Variants in PDE4D observed in about 807,000 individuals in gnomAD.
The protein encoded by PDE4D is 3',5'-cyclic-AMP phosphodiesterase 4D.
A neutral mutation model predicts 87.4 loss-of-function variants in PDE4D; 24 were observed. That is an observed-to-expected ratio of 0.27 (90% confidence interval 0.20 to 0.39). PDE4D has a LOEUF of 0.39. PDE4D is among the 10% of genes least tolerant of loss of function. PDE4D has a pLI of 1.00. For missense variants in PDE4D, 714 were observed against 1,041.0 expected, an observed-to-expected ratio of 0.69 and a Z score of 4.32; for synonymous variants, 384 against 383.2, an observed-to-expected ratio of 1.00 and a Z score of -0.02.
intron 1 of PDE4D, among the ~76,000 whole-genome samples, chr5:59,381,498 ATAAAG>A (rs72100968): frequency 0.36 from 54,974 of 151,424 alleles, 10,269 homozygotes; most frequent in South Asian, 0.48. Flanking sequence ...CTTTTTTTGA[ATAAAG>A]TAAACATACC....
At chr5:59,582,746 TAGA>T (rs1244819158) in intron 1 of PDE4D, among the ~76,000 whole-genome samples, 1 of 152,150 alleles carries the variant, frequency 6.6e-6, no homozygotes, top group Non-Finnish European at 1.5e-5. Flanking sequence ...TTTAGGGTCC[TAGA>T]AGAAGGAAAA....
At chr5:58,999,294 ATTT>A (rs1313857226) in intron 6 of PDE4D, among the ~76,000 whole-genome samples, 1 of 152,150 alleles carries the variant, frequency 6.6e-6, no homozygotes, top group African/African-American at 2.4e-5. Context: ...TAAAAAAGCT[ATTT>A]TAACACTCAA....
intron 1 of PDE4D, among the ~76,000 whole-genome samples, chr5:59,408,846 C>A (rs935333921): frequency 6.6e-6 from 1 of 152,004 alleles, no homozygotes; most frequent in Non-Finnish European, 1.5e-5. Context: ...TGATTTCTTC[C>A]TTTTAGAATG....
chr5:60,132,719 C>T (rs1779688269), intron 2 of PDE4D, among the ~76,000 whole-genome samples: 1 of 151,984 alleles, frequency 6.6e-6, no homozygotes, highest in African/African-American at 2.4e-5. Flanking sequence ...GGACAGTTCA[C>T]TATGGTTACA....
intron 1 of PDE4D, among the ~76,000 whole-genome samples, chr5:59,630,805 A>G (rs768694704): frequency 6.6e-6 from 1 of 152,160 alleles, no homozygotes; most frequent in Non-Finnish European, 1.5e-5. Flanking sequence ...GGAGGCCTGC[A>G]CGTGTCTGTT....
At chr5:59,697,313 A>G (rs1446577361) in intron 1 of PDE4D, among the ~76,000 whole-genome samples, 1 of 152,218 alleles carries the variant, frequency 6.6e-6, no homozygotes, top group Non-Finnish European at 1.5e-5. Flanking sequence ...TACATAATCA[A>G]TTAATTATAA....
chr5:59,942,762 TA>T (rs1757317756), intron 3 of PDE4D, among the ~76,000 whole-genome samples: 1 of 149,772 alleles, frequency 6.7e-6, no homozygotes, highest in African/African-American at 2.5e-5. Context: ...AAGTGAGGAA[TA>T]TAGCTAGAGA....
chr5:59,175,639 C>T (rs1338590708), intron 5 of PDE4D, among the ~76,000 whole-genome samples: 1 of 151,708 alleles, frequency 6.6e-6, no homozygotes, highest in African/African-American at 2.4e-5. Flanking sequence ...TGCCACCACG[C>T]CTGGCTAATT....
intron 1 of PDE4D, among the ~76,000 whole-genome samples, chr5:60,439,671 T>C (rs1432214025): frequency 1.3e-5 from 2 of 152,118 alleles, no homozygotes; most frequent in African/African-American, 4.8e-5. Flanking sequence ...CTAACATTTC[T>C]TCAGCAAATC....
chr5:60,506,264 T>C (rs566124913), intron 1 of PDE4D, among the ~76,000 whole-genome samples: 96 of 152,336 alleles, frequency 6.3e-4, no homozygotes, highest in African/African-American at 2.3e-3. Flanking sequence ...CACACAAACA[T>C]GAATGCATAC....
At chr5:60,189,517 G>A (rs1312896440) in intron 1 of PDE4D, among the ~76,000 whole-genome samples, 3 of 152,030 alleles carry the variant, frequency 2.0e-5, no homozygotes, top group African/African-American at 7.2e-5. Flanking sequence ...AAAATTTCCG[G>A]GGACTTTAAG....
intron 1 of PDE4D, among the ~76,000 whole-genome samples, chr5:59,412,626 G>T (rs1457156868): frequency 6.6e-6 from 1 of 152,160 alleles, no homozygotes. Context: ...AAATATTAAT[G>T]ATTAACTTAA....
At chr5:59,877,081 A>C (rs1748706531) in intron 1 of PDE4D, among the ~76,000 whole-genome samples, 1 of 152,172 alleles carries the variant, frequency 6.6e-6, no homozygotes, top group Non-Finnish European at 1.5e-5. Flanking sequence ...ATGAAAACAC[A>C]ATACCTTGAT....
At chr5:59,498,648 T>C (rs1303649040) in intron 1 of PDE4D, among the ~76,000 whole-genome samples, 1 of 151,316 alleles carries the variant, frequency 6.6e-6, no homozygotes, top group South Asian at 2.1e-4. Context: ...TCAGAAAAAA[T>C]AGACATTAAA....
At chr5:59,090,363 C>T (rs1012956340) in intron 5 of PDE4D, among the ~76,000 whole-genome samples, 4 of 152,032 alleles carry the variant, frequency 2.6e-5, no homozygotes, top group African/African-American at 4.8e-5. Flanking sequence ...GAATTCTGTT[C>T]GCAGCTTTGT....
chr5:59,405,927 CT>C (rs1246084708), intron 1 of PDE4D, among the ~76,000 whole-genome samples: 2 of 152,076 alleles, frequency 1.3e-5, no homozygotes, highest in African/African-American at 2.4e-5. Flanking sequence ...CTGAATTTGG[CT>C]TGCTAGTATT....
At chr5:60,048,129 T>C (rs1331367028) in intron 2 of PDE4D, among the ~76,000 whole-genome samples, 1 of 152,070 alleles carries the variant, frequency 6.6e-6, no homozygotes, top group Non-Finnish European at 1.5e-5. Context: ...ATGGCCTTCT[T>C]TGTCTCTTTT....
chr5:60,132,484 A>G (rs1163042333), intron 2 of PDE4D, among the ~76,000 whole-genome samples: 7 of 152,168 alleles, frequency 4.6e-5, no homozygotes, highest in African/African-American at 1.7e-4. Flanking sequence ...AACTATAATT[A>G]TATTTCAGTA....
At chr5:59,203,479 C>T (rs1748013085) in intron 2 of PDE4D, among the ~76,000 whole-genome samples, 1 of 152,098 alleles carries the variant, frequency 6.6e-6, no homozygotes, top group African/African-American at 2.4e-5. Flanking sequence ...AGCAATTCTA[C>T]TTCTGGGTAT....
Sources: allele counts gnomAD v4.1 joint callset (sites outside exome capture counted in the v4.1 genomes callset), GRCh38; gene constraint gnomAD v4.1.1; transcripts MANE v1.5; gene names NCBI Gene and HGNC (gene_info 2026-07-23, HGNC 2026-07-21).